Variants in CNTNAP5 observed in about 807,000 individuals in gnomAD.
The protein encoded by CNTNAP5 is contactin-associated protein-like 5.
Under a neutral mutation model 150.2 loss-of-function variants are expected in CNTNAP5, and 72 were observed. That is an observed-to-expected ratio of 0.48 (90% confidence interval 0.40 to 0.58). The LOEUF (loss-of-function observed/expected upper bound fraction) is 0.58. Among genes scored for constraint, CNTNAP5 ranks in the 20% least tolerant of loss-of-function variants. The pLI, the probability that CNTNAP5 is intolerant of heterozygous loss-of-function variation, is 0.00. For synonymous variants in CNTNAP5, 672 were observed against 619.8 expected (o/e 1.08, Z -1.25); for missense variants, 1,636 against 1,626.2 (o/e 1.01, Z -0.10).
intron 3 of CNTNAP5, among the ~76,000 whole-genome samples, chr2:124,336,242 A>G (rs1689463520): frequency 6.6e-6 from 1 of 151,932 alleles, no homozygotes; most frequent in African/African-American, 2.4e-5. Flanking sequence ...ATTATACAAA[A>G]AAAGTCTTCC....
intron 13 of CNTNAP5, among the ~76,000 whole-genome samples, chr2:124,684,322 T>A (rs1215061010): frequency 1.3e-5 from 2 of 152,216 alleles, no homozygotes; most frequent in African/African-American, 4.8e-5. Context: ...GAATCATGCT[T>A]ACTCAGTGTA....
At chr2:124,492,531 T>G (rs2104851263) in intron 7 of CNTNAP5, among the ~76,000 whole-genome samples, 1 of 152,318 alleles carries the variant, frequency 6.6e-6, no homozygotes, top group African/African-American at 2.4e-5. Context: ...GCTTTATTTT[T>G]TCCTCAGGAT....
chr2:124,819,876 T>C (rs975672339), intron 19 of CNTNAP5, among the ~76,000 whole-genome samples: 9 of 152,192 alleles, frequency 5.9e-5, no homozygotes, highest in Non-Finnish European at 1.2e-4. Context: ...GTGTGTCTCT[T>C]TCTTAAAGTT....
chr2:124,495,459 G>A (rs1344069687), intron 7 of CNTNAP5, among the ~76,000 whole-genome samples: 1 of 152,214 alleles, frequency 6.6e-6, no homozygotes, highest in African/African-American at 2.4e-5. Context: ...GAGGCCAAAG[G>A]CAGCATGTGG....
At chr2:124,074,057 G>C (rs1325798365) in intron 1 of CNTNAP5, among the ~76,000 whole-genome samples, 1 of 152,032 alleles carries the variant, frequency 6.6e-6, no homozygotes, top group Non-Finnish European at 1.5e-5. Flanking sequence ...AGAACTGAAA[G>C]TCATTATGTT....
intron 13 of CNTNAP5, among the ~76,000 whole-genome samples, chr2:124,685,625 T>C (rs1354363002): frequency 6.6e-6 from 1 of 152,170 alleles, no homozygotes; most frequent in African/African-American, 2.4e-5. Flanking sequence ...GTACTGCTTA[T>C]AACTGAGGTT....
At chr2:124,029,642 G>T (rs1013650150) in intron 1 of CNTNAP5, among the ~76,000 whole-genome samples, 6 of 151,774 alleles carry the variant, frequency 4.0e-5, no homozygotes, top group Non-Finnish European at 7.4e-5. Context: ...CCTCTAAATT[G>T]CAGTTTTCTT....
At chr2:124,899,147 T>A (rs1046065960) in intron 21 of CNTNAP5, among the ~76,000 whole-genome samples, 1 of 151,456 alleles carries the variant, frequency 6.6e-6, no homozygotes, top group Non-Finnish European at 1.5e-5. Context: ...TTGTGCAATA[T>A]AAATATATAC....
chr2:124,777,775 ATGTGTGTGTGTGTGTG>A (rs35863925), intron 17 of CNTNAP5, among the ~76,000 whole-genome samples: 74 of 130,688 alleles, frequency 5.7e-4, no homozygotes, highest in South Asian at 1.6e-3. Context: ...GAATGGAGGG[ATGTGTGTGTGTGTGTG>A]TGTGTGTGTG....
chr2:124,076,313 T>G (rs1448849253), intron 1 of CNTNAP5, among the ~76,000 whole-genome samples: 1 of 152,294 alleles, frequency 6.6e-6, no homozygotes, highest in African/African-American at 2.4e-5. Flanking sequence ...CTCCTGCTAA[T>G]GACAGAGTCT....
chr2:124,255,524 AAAAAT>A (rs202068928), intron 3 of CNTNAP5, among the ~76,000 whole-genome samples: 18,696 of 131,846 alleles, frequency 0.14, 1,655 homozygotes, highest in East Asian at 0.31. Context: ...ACTCTGTCTC[AAAAAT>A]AAAATAAAAT....
chr2:124,121,195 T>C (rs1683552742), intron 1 of CNTNAP5, among the ~76,000 whole-genome samples: 1 of 151,864 alleles, frequency 6.6e-6, no homozygotes, highest in Non-Finnish European at 1.5e-5. Context: ...TACAGATGCA[T>C]ACAATTTGTG....
intron 3 of CNTNAP5, among the ~76,000 whole-genome samples, chr2:124,256,598 C>T (rs1347196826): frequency 6.6e-6 from 1 of 152,056 alleles, no homozygotes; most frequent in East Asian, 1.9e-4. Context: ...AAGGAGCTTA[C>T]CTGCCTCTGT....
At chr2:124,086,438 C>T (rs962015566) in intron 1 of CNTNAP5, among the ~76,000 whole-genome samples, 1 of 151,406 alleles carries the variant, frequency 6.6e-6, no homozygotes. Context: ...CTCCTGACCT[C>T]GTGATCTGCC....
intron 11 of CNTNAP5, among the ~76,000 whole-genome samples, chr2:124,608,600 G>T (rs558172747): frequency 6.6e-6 from 1 of 152,006 alleles, no homozygotes; most frequent in East Asian, 1.9e-4. Context: ...ACTGAACTTC[G>T]TTGTGCACTT....
intron 3 of CNTNAP5, among the ~76,000 whole-genome samples, chr2:124,351,385 T>C (rs1257375607): frequency 6.6e-6 from 1 of 152,134 alleles, no homozygotes; most frequent in African/African-American, 2.4e-5. Flanking sequence ...TGGCTGTCTA[T>C]CATTTGTTCA....
intron 14 of CNTNAP5, among the ~76,000 whole-genome samples, chr2:124,756,722 A>G (rs1171980169): frequency 6.6e-6 from 1 of 152,210 alleles, no homozygotes; most frequent in African/African-American, 2.4e-5. Flanking sequence ...ATGAGAACAC[A>G]TGAACATATC....
chr2:124,804,035 G>A (rs146097500), intron 19 of CNTNAP5, among the ~76,000 whole-genome samples: 2 of 152,334 alleles, frequency 1.3e-5, no homozygotes, highest in Admixed American at 1.3e-4. Context: ...CTCTGGGCTT[G>A]TGTCAAGTAA....
intron 8 of CNTNAP5, among the ~76,000 whole-genome samples, chr2:124,519,080 C>A (rs1052895593): frequency 1.3e-5 from 2 of 148,922 alleles, no homozygotes; most frequent in African/African-American, 2.5e-5. Context: ...AAATGCCAGT[C>A]AGAAAATAGA....
Sources: allele counts gnomAD v4.1 joint callset (sites outside exome capture counted in the v4.1 genomes callset), GRCh38; gene constraint gnomAD v4.1.1; transcripts MANE v1.5; gene names NCBI Gene and HGNC (gene_info 2026-07-23, HGNC 2026-07-21).